The following BCAS3 variants were observed in gnomAD, a reference collection of about 807,000 sequenced individuals.
The protein encoded by BCAS3 is BCAS4/BCAS3 fusion.
A neutral mutation model predicts 116.1 loss-of-function variants in BCAS3; 53 were observed. The ratio of observed to expected loss-of-function variants is 0.46; its 90% confidence interval spans 0.37 to 0.57. BCAS3 has a LOEUF of 0.57. BCAS3 is among the 20% of genes least tolerant of loss of function. The probability of loss-of-function intolerance (pLI) is 0.00; values close to 1 mark genes in which losing one functional copy is unlikely to be tolerated. For synonymous variants in BCAS3, 391 were observed against 408.2 expected (o/e 0.96, Z 0.51); for missense variants, 917 against 1,165.4 (o/e 0.79, Z 3.10).
chr17:61,089,829 AC>A (rs1232432496), intron 22 of BCAS3, among the ~76,000 whole-genome samples: 2 of 150,670 alleles, frequency 1.3e-5, no homozygotes, highest in Non-Finnish European at 3.0e-5. Context: ...ACCGCGCCCA[AC>A]CTGGGGGAAG....
At chr17:61,360,105 C>T (rs534582012) in intron 22 of BCAS3, among the ~76,000 whole-genome samples, 1 of 151,358 alleles carries the variant, frequency 6.6e-6, no homozygotes, top group South Asian at 2.1e-4. Context: ...CTCCTGGGTT[C>T]AAGAAATCTC....
At chr17:61,064,394 G>A (rs2070390154) in intron 19 of BCAS3, among the ~76,000 whole-genome samples, 2 of 152,068 alleles carry the variant, frequency 1.3e-5, no homozygotes, top group African/African-American at 4.8e-5. Flanking sequence ...AACCCATTAT[G>A]CTTTATTCTT....
At chr17:61,246,456 A>T (rs889489654) in intron 22 of BCAS3, among the ~76,000 whole-genome samples, 5 of 137,804 alleles carry the variant, frequency 3.6e-5, no homozygotes, top group African/African-American at 8.5e-5. Flanking sequence ...TGGGTAACAG[A>T]GCAAGACTGT....
Position 61,010,190 on chromosome 17 carries a change from G to A in BCAS3, c.1487-5561G>A, listed in dbSNP as rs114392055. Among the ~76,000 whole-genome samples, 1,209 of 149,764 alleles carry A rather than the reference G, an allele frequency of 8.1e-3. 18 individuals are homozygous for A. The highest frequency in any genetic ancestry group is 0.028 in the African/African-American group (1,138 of 40,702). On this transcript the variant is annotated intron_variant, in intron 15 of 23. Transcript: ENST00000407086. ...CTCCAGCGTGGCAACAAAGCCCATT[G>A]TTATTTTCTCTGTTCACTTTTATCC...
rs888115295 is a variant in BCAS3, at chr17:61,077,941, A to C, written c.2131-392A>C. Among the ~76,000 whole-genome samples the C allele has an allele frequency of 1.3e-5, 2 of 152,164 alleles. No homozygotes were observed. Among genetic ancestry groups the C allele is most frequent in the African/African-American group, 4.8e-5 (2 of 41,438 alleles). ...GATTAATAGGTGTAGTATTCAGTGC[A>C]TGCCCACAACATGGTAAGTACTGTC... is the stretch of plus-strand genomic sequence containing the variant. On this transcript the variant is annotated intron_variant, in intron 20 of 23. Transcript: ENST00000407086. The surrounding 1 kb of genome is among the most constrained non-coding windows in gnomAD (Gnocchi z 4.3).
rs895102009 is a variant in BCAS3 at position 61,007,290 on chromosome 17, A to G, written c.1487-8461A>G. Among the ~76,000 whole-genome samples the G allele has an allele frequency of 1.3e-5, 2 of 151,936 alleles. No individual in the cohort carries two copies. Among genetic ancestry groups the G allele is most frequent in the African/African-American group, 4.8e-5 (2 of 41,358 alleles). On this transcript the variant is annotated intron_variant, in intron 15 of 23. Coordinates refer to ENST00000407086, the MANE Select transcript of BCAS3 (RefSeq NM_017679.5). The surrounding 1 kb of genome is among the most constrained non-coding windows in gnomAD (Gnocchi z 4.3). ...CTAAGTTTTCAATATTCCTTGTTCT[A>G]GGCCCACCTTGTTACCTTTTGGAGT... is the stretch of plus-strand genomic sequence containing the variant.
intron 22 of BCAS3, among the ~76,000 whole-genome samples, chr17:61,176,867 C>G (rs908114777): frequency 4.6e-5 from 7 of 152,148 alleles, no homozygotes; most frequent in African/African-American, 1.4e-4. Flanking sequence ...TGGCCTCAAT[C>G]TTTTATTTTT....
chr17:60,695,835 G>A (rs1193226527), intron 4 of BCAS3, among the ~76,000 whole-genome samples: 1 of 151,952 alleles, frequency 6.6e-6, no homozygotes, highest in Non-Finnish European at 1.5e-5. Flanking sequence ...CTGGCCTCAA[G>A]GAATCCTCCT....
In BCAS3 at chr17:61,286,649, C is replaced by T. The variant is rs753501782; in HGVS notation, c.2426-81678C>T. Among the ~76,000 whole-genome samples the T allele has an allele frequency of 3.9e-5, 6 of 152,128 alleles. No individual in the cohort carries two copies. The highest frequency in any genetic ancestry group is 1.2e-4 in the African/African-American group (5 of 41,420). On this transcript the variant is annotated intron_variant, in intron 22 of 23. Transcript: ENST00000407086. The surrounding 1 kb of genome is among the most constrained non-coding windows in gnomAD (Gnocchi z 4.8). The stretch of plus-strand genomic sequence containing the variant: ...TGTTAGCAGGGCTAAGTTAAATACT[C>T]GCTTTACACCGTTGTGAAGGCAGCT...
chr17:60,846,781 TCCTTCTTC>T (rs1285945452), intron 7 of BCAS3, among the ~76,000 whole-genome samples: 1 of 152,080 alleles, frequency 6.6e-6, no homozygotes, highest in East Asian at 1.9e-4. Flanking sequence ...ATTCCTTCTT[TCCTTCTTC>T]CCTCCCTCCC....
chr17:61,279,309 T>G lies in BCAS3; in HGVS notation c.2426-89018T>G, dbSNP rs1312255747. Among the ~76,000 whole-genome samples the G allele has an allele frequency of 2.0e-5, 3 of 152,184 alleles. No homozygotes were observed. Among genetic ancestry groups the G allele is most frequent in the African/African-American group, 7.2e-5 (3 of 41,440 alleles). On this transcript the variant is annotated intron_variant, in intron 22 of 23. Transcript: ENST00000407086. This position sits in a 1 kb window ranked among gnomAD's most constrained non-coding sequence, Gnocchi z 4.4. ...GTGAATTATATCTCAATAAATCTTT[T>G]TTTTTTTAAGGCAGCCTAGGTCTGA...
intron 12 of BCAS3, among the ~76,000 whole-genome samples, chr17:60,918,384 A>C (rs1314683426): frequency 1.3e-5 from 2 of 152,172 alleles, no homozygotes; most frequent in Non-Finnish European, 2.9e-5. Flanking sequence ...TCTAATCATC[A>C]AATCAGGGTA....
intron 23 of BCAS3, among the ~76,000 whole-genome samples, chr17:61,374,316 A>G (rs1418766447): frequency 6.6e-6 from 1 of 150,408 alleles, no homozygotes; most frequent in African/African-American, 2.5e-5. Context: ...GACTACAGGC[A>G]TATGCCACCA....
In BCAS3 at chr17:61,083,795, C is replaced by A. The variant is rs899261660; in HGVS notation, c.2328-672C>A. 6.6e-6 allele frequency among the ~76,000 whole-genome samples: 1 copy of A among 151,896 alleles called. No homozygotes were observed. The highest frequency in any genetic ancestry group is 2.1e-4 in the South Asian group (1 of 4,814). On this transcript the variant is annotated intron_variant, in intron 21 of 23. Coordinates refer to ENST00000407086, the MANE Select transcript of BCAS3 (RefSeq NM_017679.5). The surrounding 1 kb of genome is among the most constrained non-coding windows in gnomAD (Gnocchi z 4.9). ...ATTTTTAGTAGAGACGGGGCTTCAC[C>A]GTGTTAGCCAGGATGGATGTTTATT...
At chr17:60,753,502 C>T (rs895608698) in intron 6 of BCAS3, among the ~76,000 whole-genome samples, 14 of 151,674 alleles carry the variant, frequency 9.2e-5, no homozygotes, top group Non-Finnish European at 1.9e-4. Context: ...CTCTGCCTCC[C>T]GGGTTCCCGC....
In BCAS3 at chr17:61,317,006, G is replaced by A. The variant is rs186822473; in HGVS notation, c.2426-51321G>A. ...GACACTGATGGTACTATTAGAGTTCGGGAGGCTTCAACAGTTCTGAGATAG... is the reference window on the plus strand; with the variant it reads ...GACACTGATGGTACTATTAGAGTTCAGGAGGCTTCAACAGTTCTGAGATAG... On this transcript the variant is annotated intron_variant, in intron 22 of 23. Transcript: ENST00000407086. 4.7e-3 allele frequency among the ~76,000 whole-genome samples: 714 copies of A among 152,240 alleles called. 3 individuals carry two copies. Among genetic ancestry groups the A allele is most frequent in the Middle Eastern group, 0.02 (6 of 294 alleles).
intron 16 of BCAS3, among the ~76,000 whole-genome samples, chr17:61,024,538 A>G (rs1190468037): frequency 2.0e-5 from 3 of 152,120 alleles, no homozygotes; most frequent in African/African-American, 7.2e-5. Context: ...AGGCCTGTAA[A>G]CTACAGTGTC....
chr17:61,113,092 G>C (rs1057508998), intron 22 of BCAS3, among the ~76,000 whole-genome samples: 13 of 56,220 alleles, frequency 2.3e-4, no homozygotes, highest in African/African-American at 4.4e-4. Flanking sequence ...AAAGCAGTGT[G>C]TAGAGGGAAA....
intron 5 of BCAS3, among the ~76,000 whole-genome samples, chr17:60,739,133 C>A (rs2041271991): frequency 6.6e-6 from 1 of 152,092 alleles, no homozygotes; most frequent in Non-Finnish European, 1.5e-5. Flanking sequence ...ATGGGTAGTG[C>A]AATACCTAAT....
Sources: allele counts gnomAD v4.1 joint callset (sites outside exome capture counted in the v4.1 genomes callset), GRCh38; gene constraint gnomAD v4.1.1; non-coding constraint Gnocchi (gnomAD v3.1); transcripts MANE v1.5; gene names NCBI Gene and HGNC (gene_info 2026-07-23, HGNC 2026-07-21).